The following CDH4 variants were observed in gnomAD, a reference collection of about 807,000 sequenced individuals.
CDH4 encodes the protein cadherin-4.
A neutral mutation model predicts 86.0 loss-of-function variants in CDH4; 33 were observed. The ratio of observed to expected loss-of-function variants is 0.38; its 90% confidence interval spans 0.29 to 0.51. The LOEUF is 0.51. CDH4 is among the 20% of genes least tolerant of loss of function. CDH4 has a pLI of 0.86. For synonymous variants in CDH4, 555 were observed against 549.4 expected (o/e 1.01, Z -0.14); for missense variants, 1,114 against 1,307.4 (o/e 0.85, Z 2.28).
chr20:61,622,742 C>A (rs1475121829), intron 2 of CDH4, among the ~76,000 whole-genome samples: 1 of 152,230 alleles, frequency 6.6e-6, no homozygotes, highest in African/African-American at 2.4e-5. Context: ...TACTTACCTG[C>A]ATCCGTGGTC....
intron 2 of CDH4, among the ~76,000 whole-genome samples, chr20:61,667,480 C>T (rs561661541): frequency 1.6e-4 from 25 of 152,352 alleles, no homozygotes; most frequent in South Asian, 1.0e-3. Flanking sequence ...CGGATCTTTC[C>T]GCTTTCAAAC....
Position 61,937,132 on chromosome 20 carries a change from T to G in CDH4, c.*189T>G. 2.6e-6 allele frequency: 1 copy of G among 379,894 alleles called. No individual in the cohort carries two copies. 23.5% of individuals were successfully genotyped at this position (379,894 alleles called of 1,614,324 possible). ...CCCACAGCGCCCTGCACCCGGCCGC[T>G]GCCCAGCACCGCGCTGGCTGGCACT... On this transcript the variant is annotated 3_prime_UTR_variant, in exon 16 of 16. Coordinates refer to ENST00000614565, the MANE Select transcript of CDH4 (RefSeq NM_001794.5).
chr20:61,357,026 T>A (rs1417800817), intron 2 of CDH4, among the ~76,000 whole-genome samples: 1 of 152,024 alleles, frequency 6.6e-6, no homozygotes, highest in Non-Finnish European at 1.5e-5. Flanking sequence ...AGGGTTAGGG[T>A]CAACCATGCT....
rs2088534196 is a variant in CDH4 at position 61,754,436 on chromosome 20, C to G, written c.396+10647C>G. Among the ~76,000 whole-genome samples, 1 of 152,174 alleles carries G rather than the reference C, an allele frequency of 6.6e-6. No homozygotes were observed. The highest frequency in any genetic ancestry group is 1.5e-5 in the Non-Finnish European group (1 of 68,020). On this transcript the variant is annotated intron_variant, in intron 3 of 15. Coordinates refer to ENST00000614565, the MANE Select transcript of CDH4 (RefSeq NM_001794.5). This position sits in a 1 kb window ranked among gnomAD's most constrained non-coding sequence, Gnocchi z 4.7. Reference sequence around the variant, plus strand: ...ACAAGTCCCCGCCCACGGCAGCCCCCAGGTCCCTCTGCTGCTACCCAGGCC... The same window carrying G: ...ACAAGTCCCCGCCCACGGCAGCCCCGAGGTCCCTCTGCTGCTACCCAGGCC...
At chr20:61,594,401 C>T (rs2086540793) in intron 2 of CDH4, among the ~76,000 whole-genome samples, 1 of 152,070 alleles carries the variant, frequency 6.6e-6, no homozygotes, top group Admixed American at 6.5e-5. Flanking sequence ...ATTGGGCAGC[C>T]CCCACCGGGC....
At chr20:61,508,590 CAG>C (rs1259669322) in intron 2 of CDH4, among the ~76,000 whole-genome samples, 2 of 152,208 alleles carry the variant, frequency 1.3e-5, no homozygotes, top group Non-Finnish European at 2.9e-5. Context: ...AGAACCAAGA[CAG>C]GGGCATGTGT....
intron 2 of CDH4, among the ~76,000 whole-genome samples, chr20:61,701,772 T>A (rs184900521): frequency 1.4e-4 from 22 of 152,346 alleles, no homozygotes; most frequent in Admixed American, 2.6e-4. Flanking sequence ...GTTGACCTTG[T>A]TCTTAATGAT....
At chr20:61,660,507 A>T (rs1013563814) in intron 2 of CDH4, among the ~76,000 whole-genome samples, 1 of 152,062 alleles carries the variant, frequency 6.6e-6, no homozygotes, top group African/African-American at 2.4e-5. Flanking sequence ...GCGTGTATCC[A>T]TTTTCAAACA....
intron 9 of CDH4, among the ~76,000 whole-genome samples, chr20:61,914,847 C>A (rs2054888239): frequency 6.6e-6 from 1 of 152,188 alleles, no homozygotes; most frequent in African/African-American, 2.4e-5. Flanking sequence ...GAGGAGCAAA[C>A]CAAGTTCCTA....
In CDH4 at chr20:61,544,802, G is replaced by A. The variant is rs906144506; in HGVS notation, c.170-198761G>A. Among the ~76,000 whole-genome samples, 29 of 152,214 alleles carry A rather than the reference G, an allele frequency of 1.9e-4. No homozygotes were observed. Among genetic ancestry groups the A allele is most frequent in the African/African-American group, 6.0e-4 (25 of 41,546 alleles). Reference sequence around the variant, plus strand: ...CCTGACTCCCCCGACAGCCCTCCCTGCCCCCGAGGAAGGAACCTTGTTCCT... The same window carrying A: ...CCTGACTCCCCCGACAGCCCTCCCTACCCCCGAGGAAGGAACCTTGTTCCT... On this transcript the variant is annotated intron_variant, in intron 2 of 15. Transcript: ENST00000614565. This position sits in a 1 kb window ranked among gnomAD's most constrained non-coding sequence, Gnocchi z 6.5.
chr20:61,619,659 G>A (rs193152699), intron 2 of CDH4, among the ~76,000 whole-genome samples: 1 of 152,316 alleles, frequency 6.6e-6, no homozygotes, highest in Non-Finnish European at 1.5e-5. Context: ...AGAGCACAGG[G>A]TCCAGCATTC....
chr20:61,384,393 A>G (rs1049884875), intron 2 of CDH4, among the ~76,000 whole-genome samples: 6 of 152,152 alleles, frequency 3.9e-5, no homozygotes, highest in African/African-American at 1.4e-4. Context: ...GGGGTGCTAA[A>G]GATCTGGCCT....
At chr20:61,349,845 T>G (rs2084699836) in intron 2 of CDH4, among the ~76,000 whole-genome samples, 1 of 152,080 alleles carries the variant, frequency 6.6e-6, no homozygotes, top group South Asian at 2.1e-4. Flanking sequence ...AAGGACCAAG[T>G]TCATGTGGGA....
chr20:61,565,334 GTGGTAGTGGTCCTCTT>G (rs2086283298), intron 2 of CDH4, among the ~76,000 whole-genome samples: 1 of 75,482 alleles, frequency 1.3e-5, no homozygotes, highest in Non-Finnish European at 3.1e-5. Flanking sequence ...CTTGGTGATG[GTGGTAGTGGTCCTCTT>G]GGTGATGGGG....
At chr20:61,356,878 A>G (rs948340084) in intron 2 of CDH4, among the ~76,000 whole-genome samples, 2 of 152,248 alleles carry the variant, frequency 1.3e-5, no homozygotes, top group Non-Finnish European at 2.9e-5. Context: ...AAGATGTGAA[A>G]TAAAGTTCAA....
At position 61,336,193 on chromosome 20, in the gene CDH4, C is replaced by G. The variant is rs543841717; in HGVS notation, c.169+81256C>G. On this transcript the variant is annotated intron_variant, in intron 2 of 15. Transcript: ENST00000614565. ...AAATCCTACAGGGCCCAAACAGACC[C>G]ACTTGGCTGCTATGAGACCATGGGT... Among the ~76,000 whole-genome samples, 9 of 152,264 alleles carry G rather than the reference C, an allele frequency of 5.9e-5. No individual in the cohort carries two copies. In the East Asian group the frequency reaches 1.7e-3, roughly 29 times the overall value.
chr20:61,832,069 A>G (rs955526072), intron 4 of CDH4, among the ~76,000 whole-genome samples: 1 of 152,242 alleles, frequency 6.6e-6, no homozygotes, highest in Admixed American at 6.5e-5. Flanking sequence ...CAGGCCTGGT[A>G]GATGTACCCA....
chr20:61,838,618 G>A (rs1403280406), intron 4 of CDH4, among the ~76,000 whole-genome samples: 3 of 151,934 alleles, frequency 2.0e-5, no homozygotes, highest in Non-Finnish European at 4.4e-5. Flanking sequence ...TTCAAGACGG[G>A]CAACATGGTG....
At chr20:61,844,545 C>A in intron 4 of CDH4, 123 bp from the exon 5 acceptor site, 2 of 866,798 alleles carry the variant, frequency 2.3e-6, no homozygotes, top group Non-Finnish European at 3.5e-6. Flanking sequence ...CAGCTGTGGT[C>A]CCCATTGTAC....
Sources: gnomAD v4.1 joint callset for allele counts (sites outside exome capture counted in the v4.1 genomes callset) on GRCh38, gnomAD v4.1.1 for gene constraint, Gnocchi (gnomAD v3.1) non-coding constraint, MANE v1.5 for transcripts, NCBI Gene and HGNC (gene_info 2026-07-23, HGNC 2026-07-21) for gene names.